CCBE1: variants seen among roughly 807,000 people sequenced by gnomAD.
CCBE1 encodes the protein collagen and calcium-binding EGF domain-containing protein 1.
CCBE1 carries 37 observed loss-of-function variants against 50.0 expected under a neutral mutation model. The observed-to-expected ratio is 0.74, with a 90% CI of 0.57 to 0.97. The LOEUF (loss-of-function observed/expected upper bound fraction) is 0.97. Ranked by LOEUF, CCBE1 falls within the 50% of genes least tolerant of loss-of-function variation. The pLI, the probability that CCBE1 is intolerant of heterozygous loss-of-function variation, is 0.00. For synonymous variants in CCBE1, 234 were observed against 203.7 expected (o/e 1.15, Z -1.27); for missense variants, 538 against 523.8 (o/e 1.03, Z -0.26).
At chr18:59,602,574 G>GCCTTTTT (rs1429461201) in intron 2 of CCBE1, among the ~76,000 whole-genome samples, 25 of 152,118 alleles carry the variant, frequency 1.6e-4, no homozygotes, top group African/African-American at 5.1e-4. Context: ...ATACAAAAAG[G>GCCTTTTT]GTATATATAT....
chr18:59,612,162 G>A (rs1218095160), intron 2 of CCBE1, among the ~76,000 whole-genome samples: 3 of 152,132 alleles, frequency 2.0e-5, no homozygotes, highest in African/African-American at 7.2e-5. Flanking sequence ...CAAATCTCAA[G>A]TGACAAATAA....
chr18:59,466,711 G>C, intron 5 of CCBE1, 28 bp downstream of exon 5: 1 of 1,573,560 alleles, frequency 6.4e-7, no homozygotes, highest in South Asian at 1.1e-5. Context: ...TATGTAATTA[G>C]GGAGATATTT....
rs375156814 is a variant in CCBE1, at chr18:59,680,368, TG to T, written c.212+16260del. Among the ~76,000 whole-genome samples the T allele has an allele frequency of 3.3e-3, 501 of 152,138 alleles. 2 individuals carry two copies. Among genetic ancestry groups the T allele is most frequent in the African/African-American group, 0.01 (427 of 41,530 alleles). On this transcript the variant is annotated intron_variant, in intron 2 of 10. Transcript: ENST00000439986. ...GACTTTTCCCTTTAGTTTAGCGATTTGGGGGGCCCAAGATATTTTCCTTTGA... is the reference window on the plus strand; with the variant it reads ...GACTTTTCCCTTTAGTTTAGCGATTTGGGGGCCCAAGATATTTTCCTTTGA...
At chr18:59,491,520 A>G (rs1355085273) in intron 2 of CCBE1, among the ~76,000 whole-genome samples, 1 of 152,242 alleles carries the variant, frequency 6.6e-6, no homozygotes, top group African/African-American at 2.4e-5. Context: ...AACTAATAGA[A>G]AAAATAAAAA....
At chr18:59,574,966 T>C (rs2144495003) in intron 2 of CCBE1, among the ~76,000 whole-genome samples, 1 of 152,272 alleles carries the variant, frequency 6.6e-6, no homozygotes, top group East Asian at 1.9e-4. Context: ...GGTGGGTCTC[T>C]AATCCAATCC....
chr18:59,562,158 A>G (rs1359538033), intron 2 of CCBE1, among the ~76,000 whole-genome samples: 1 of 152,166 alleles, frequency 6.6e-6, no homozygotes, highest in Non-Finnish European at 1.5e-5. Context: ...AATTCTATCA[A>G]AAATCCATTA....
At chr18:59,474,510 G>A (rs530493167) in intron 3 of CCBE1, among the ~76,000 whole-genome samples, 1 of 152,264 alleles carries the variant, frequency 6.6e-6, no homozygotes, top group Non-Finnish European at 1.5e-5. Context: ...AGTCATTCTG[G>A]AACTCAAGTG....
rs184527740 is a variant in CCBE1, at chr18:59,603,984, C to T, written c.212+92645G>A. On this transcript the variant is annotated intron_variant, in intron 2 of 10. Transcript: ENST00000439986. ...TAAAAATGAAGTGGGAAGCCTGACA[C>T]AAAATACATGTGACCACTGATAGAA... Among the ~76,000 whole-genome samples, 4 of 152,286 alleles carry T rather than the reference C, an allele frequency of 2.6e-5. No homozygotes were observed. The East Asian group carries it at 7.7e-4, about 29-fold the overall frequency.
At chr18:59,580,087 G>A (rs1419380670) in intron 2 of CCBE1, among the ~76,000 whole-genome samples, 1 of 152,126 alleles carries the variant, frequency 6.6e-6, no homozygotes, top group East Asian at 1.9e-4. Context: ...TTGCTCTATT[G>A]TAGTATGAAA....
intron 2 of CCBE1, among the ~76,000 whole-genome samples, chr18:59,558,978 C>A (rs774723896): frequency 6.6e-6 from 1 of 152,218 alleles, no homozygotes; most frequent in Non-Finnish European, 1.5e-5. Context: ...TCACTCCCCT[C>A]GGACTTCAGC....
chr18:59,593,060 G>A (rs917986248), intron 2 of CCBE1, among the ~76,000 whole-genome samples: 24 of 152,188 alleles, frequency 1.6e-4, no homozygotes, highest in Non-Finnish European at 7.3e-5. Context: ...GTTAATTTGG[G>A]AGATATGGAA....
At chr18:59,512,532 G>C (rs545226339) in intron 2 of CCBE1, among the ~76,000 whole-genome samples, 1 of 152,352 alleles carries the variant, frequency 6.6e-6, no homozygotes, top group Admixed American at 6.5e-5. Context: ...TCCATTAGAG[G>C]AACAGAATTA....
At chr18:59,483,386 A>G (rs1310096598) in intron 2 of CCBE1, among the ~76,000 whole-genome samples, 1 of 152,226 alleles carries the variant, frequency 6.6e-6, no homozygotes, top group African/African-American at 2.4e-5. Flanking sequence ...GCATATTTGC[A>G]GAATACCAGC....
At position 59,448,087 on chromosome 18, in the gene CCBE1, T is replaced by C. The variant is rs369736447; in HGVS notation, c.671A>G (p.Asn224Ser). 199 of 1,613,798 alleles carry C rather than the reference T, an allele frequency of 1.2e-4. No individual in the cohort carries two copies. The highest frequency in any genetic ancestry group is 1.5e-4 in the Non-Finnish European group (172 of 1,180,012). ...ATACTTGCCCAGGTCAGCTGCATTG[T>C]TGGGGAGCAGAGCAATCTGCAAGGA... Reference protein sequence around the residue: ...QLKQKIALLPNNAADLGKYIT... With the variant: ...QLKQKIALLPSNAADLGKYIT... The change falls in exon 7 of 11, where the codon AAC (asparagine) becomes AGC (serine). Residue 224 changes from asparagine (N) to serine (S), a missense_variant. By Grantham distance (46) the Asn-to-Ser change is conservative. Transcript: ENST00000439986.
chr18:59,634,185 T>G (rs1225502697), intron 2 of CCBE1, among the ~76,000 whole-genome samples: 3 of 152,226 alleles, frequency 2.0e-5, no homozygotes, highest in African/African-American at 7.2e-5. Context: ...CAAAGGGCTA[T>G]ACTCTTAATG....
chr18:59,664,756 G>T (rs2054330335), intron 2 of CCBE1, among the ~76,000 whole-genome samples: 1 of 152,110 alleles, frequency 6.6e-6, no homozygotes, highest in Non-Finnish European at 1.5e-5. Flanking sequence ...ATTATTCAGG[G>T]CAAGAGATAA....
chr18:59,638,032 AG>A (rs2053936669), intron 2 of CCBE1, among the ~76,000 whole-genome samples: 1 of 152,242 alleles, frequency 6.6e-6, no homozygotes. Context: ...CCATGAGAAA[AG>A]AAAATTACAG....
intron 2 of CCBE1, among the ~76,000 whole-genome samples, chr18:59,622,235 T>C (rs2053720199): frequency 6.6e-6 from 1 of 152,172 alleles, no homozygotes; most frequent in Non-Finnish European, 1.5e-5. Flanking sequence ...GATGGAACAA[T>C]GAGCACCACC....
At chr18:59,657,254 T>C (rs1414037223) in intron 2 of CCBE1, among the ~76,000 whole-genome samples, 2 of 152,154 alleles carry the variant, frequency 1.3e-5, no homozygotes, top group Non-Finnish European at 2.9e-5. Context: ...GAAGAAGGTG[T>C]CAGAGCTTCA....
Sources: gnomAD v4.1 joint callset for allele counts (sites outside exome capture counted in the v4.1 genomes callset) on GRCh38, gnomAD v4.1.1 for gene constraint, MANE v1.5 for transcripts, NCBI Gene and HGNC (gene_info 2026-07-23, HGNC 2026-07-21) for gene names.